CNTN5: variants seen among roughly 807,000 people sequenced by gnomAD.
CNTN5 encodes the protein contactin 5.
In CNTN5, 77 loss-of-function variants were observed where a neutral mutation model predicts 129.1. That is an observed-to-expected ratio of 0.60 (90% CI 0.50 to 0.72). The LOEUF (loss-of-function observed/expected upper bound fraction) is 0.72, where lower values mean the gene tolerates loss of function less well. Among genes scored for constraint, CNTN5 ranks in the 30% least tolerant of loss-of-function variants. The pLI is 0.00. For synonymous variants in CNTN5, 509 were observed against 465.6 expected, an observed-to-expected ratio of 1.09 and a Z score of -1.20; for missense variants, 1,478 against 1,328.8, an observed-to-expected ratio of 1.11 and a Z score of -1.75.
At chr11:100,177,866 C>G (rs919458562) in intron 13 of CNTN5, among the ~76,000 whole-genome samples, 2 of 152,036 alleles carry the variant, frequency 1.3e-5, no homozygotes, top group African/African-American at 2.4e-5. Flanking sequence ...ATACTTTCAG[C>G]CTCTATGTAG....
At chr11:99,581,951 C>T (rs553175437) in intron 3 of CNTN5, among the ~76,000 whole-genome samples, 7,330 of 152,050 alleles carry the variant, frequency 0.048, 551 homozygotes, top group African/African-American at 0.16. Context: ...CATGTTTTTG[C>T]AGTGGCTGGT....
At chr11:99,950,462 C>G (rs1178445597) in intron 7 of CNTN5, among the ~76,000 whole-genome samples, 1 of 152,116 alleles carries the variant, frequency 6.6e-6, no homozygotes, top group African/African-American at 2.4e-5. Context: ...GCCTGGGTGA[C>G]AGAGCGAGAC....
At chr11:99,909,132 G>T (rs1591401578) in intron 6 of CNTN5, among the ~76,000 whole-genome samples, 2 of 152,192 alleles carry the variant, frequency 1.3e-5, no homozygotes, top group East Asian at 3.9e-4. Context: ...TAGCTCAACT[G>T]ATATTTTGGA....
At chr11:99,075,623 T>G (rs1286814166) in intron 1 of CNTN5, among the ~76,000 whole-genome samples, 2 of 152,216 alleles carry the variant, frequency 1.3e-5, no homozygotes, top group Non-Finnish European at 2.9e-5. Context: ...GTTTTCTCTC[T>G]CCTATAAATA....
chr11:100,107,341 C>T (rs1203173767), intron 13 of CNTN5, among the ~76,000 whole-genome samples: 1 of 151,964 alleles, frequency 6.6e-6, no homozygotes, highest in Non-Finnish European at 1.5e-5. Flanking sequence ...TAATTTCTAA[C>T]TTAGCATGAG....
intron 3 of CNTN5, among the ~76,000 whole-genome samples, chr11:99,788,848 G>A (rs1372225): frequency 0.27 from 40,886 of 151,336 alleles, 5,946 homozygotes; most frequent in East Asian, 0.49. Context: ...TTATATACGG[G>A]GAATGCTTTT....
intron 2 of CNTN5, among the ~76,000 whole-genome samples, chr11:99,360,271 G>T (rs1404957295): frequency 2.6e-5 from 4 of 152,068 alleles, no homozygotes; most frequent in African/African-American, 9.7e-5. Context: ...TGTCTGTAGC[G>T]CTCCTGGGCT....
At chr11:99,646,511 C>T (rs961574753) in intron 3 of CNTN5, among the ~76,000 whole-genome samples, 1 of 152,142 alleles carries the variant, frequency 6.6e-6, no homozygotes, top group Non-Finnish European at 1.5e-5. Flanking sequence ...GTATTTTCCA[C>T]ATCTCTGTCA....
At chr11:99,182,279 A>G (rs1858116584) in intron 1 of CNTN5, among the ~76,000 whole-genome samples, 1 of 152,174 alleles carries the variant, frequency 6.6e-6, no homozygotes, top group Non-Finnish European at 1.5e-5. Flanking sequence ...AAATTGAAGT[A>G]AATGCTGCTT....
intron 3 of CNTN5, among the ~76,000 whole-genome samples, chr11:99,626,120 C>T (rs1227141482): frequency 1.3e-5 from 2 of 151,880 alleles, no homozygotes; most frequent in Non-Finnish European, 2.9e-5. Flanking sequence ...GAGAGAAGCG[C>T]TGTAGAAATT....
At chr11:100,028,872 G>A (rs1334821016) in intron 9 of CNTN5, among the ~76,000 whole-genome samples, 2 of 152,146 alleles carry the variant, frequency 1.3e-5, no homozygotes, top group Non-Finnish European at 1.5e-5. Context: ...TTTCCTGTGA[G>A]TTTAAAGAGT....
intron 17 of CNTN5, among the ~76,000 whole-genome samples, chr11:100,266,246 G>A (rs566713304): frequency 8.3e-4 from 126 of 152,132 alleles, no homozygotes; most frequent in African/African-American, 2.1e-3. Flanking sequence ...AGTCTTAGAT[G>A]TGATTCTTTT....
Position 99,534,728 on chromosome 11 carries a change from T to C in CNTN5, c.-70-21417T>C, listed in dbSNP as rs187289496. ...CCCTGTAATCACACTAATAAATGTG[T>C]AATGCCAGGTTGGGATGGGATTACC... On this transcript the variant is annotated intron_variant, in intron 2 of 24. Coordinates refer to ENST00000524871, the MANE Select transcript of CNTN5 (RefSeq NM_014361.4). Among the ~76,000 whole-genome samples the C allele has an allele frequency of 4.6e-4, 70 of 152,270 alleles. 1 individual carries two copies. The highest frequency in any genetic ancestry group is 1.6e-3 in the African/African-American group (68 of 41,552).
intron 1 of CNTN5, among the ~76,000 whole-genome samples, chr11:99,300,188 C>A (rs1864571524): frequency 6.6e-6 from 1 of 152,042 alleles, no homozygotes; most frequent in South Asian, 2.1e-4. Context: ...GCGTCCTTGC[C>A]TTGTTCCACT....
At chr11:99,454,192 G>A (rs1307992115) in intron 2 of CNTN5, among the ~76,000 whole-genome samples, 1 of 152,072 alleles carries the variant, frequency 6.6e-6, no homozygotes, top group Non-Finnish European at 1.5e-5. Context: ...CAATAAAGGA[G>A]GGGAGGAGAA....
At chr11:100,284,516 C>G (rs376704666) in intron 18 of CNTN5, among the ~76,000 whole-genome samples, 104 of 151,988 alleles carry the variant, frequency 6.8e-4, no homozygotes, top group East Asian at 1.9e-3. Context: ...AGATGACACT[C>G]AGGACAAAAA....
Position 100,264,799 on chromosome 11 carries a change from A to G in CNTN5, c.2165-6293A>G, listed in dbSNP as rs1427033868. ...TATTTCTGGTTCTAGATCCTTGAGA[A>G]ATCACCACACTGTCTTCCCCAAGGG... On this transcript the variant is annotated intron_variant, in intron 17 of 24. Coordinates refer to ENST00000524871, the MANE Select transcript of CNTN5 (RefSeq NM_014361.4). 3.3e-5 allele frequency among the ~76,000 whole-genome samples: 5 copies of G among 152,120 alleles called. No individual in the cohort carries two copies. The South Asian group carries it at 1.0e-3, about 31-fold the overall frequency.
chr11:100,118,041 T>TC (rs1261186605), intron 13 of CNTN5, among the ~76,000 whole-genome samples: 1 of 151,704 alleles, frequency 6.6e-6, no homozygotes, highest in African/African-American at 2.4e-5. Context: ...GTTTTTTTTT[T>TC]CCCTTCCATG....
intron 2 of CNTN5, among the ~76,000 whole-genome samples, chr11:99,511,736 G>C (rs1414402564): frequency 6.6e-6 from 1 of 151,816 alleles, no homozygotes; most frequent in Non-Finnish European, 1.5e-5. Context: ...CCTGTATTGG[G>C]TGCATATATA....
Sources: allele counts gnomAD v4.1 joint callset (sites outside exome capture counted in the v4.1 genomes callset), GRCh38; gene constraint gnomAD v4.1.1; transcripts MANE v1.5; gene names NCBI Gene and HGNC (gene_info 2026-07-23, HGNC 2026-07-21).